AMBRA1: variants seen among roughly 807,000 people sequenced by gnomAD.
AMBRA1 encodes autophagy and beclin 1 regulator 1.
A neutral mutation model predicts 125.4 loss-of-function variants in AMBRA1; 47 were observed. The observed-to-expected ratio is 0.37, with a 90% CI of 0.30 to 0.48. The LOEUF (loss-of-function observed/expected upper bound fraction) is 0.48. Among genes scored for constraint, AMBRA1 ranks in the 20% least tolerant of loss-of-function variants. The probability of loss-of-function intolerance (pLI) is 0.99; values close to 1 mark genes in which losing one functional copy is unlikely to be tolerated. For missense variants in AMBRA1, 1,331 were observed against 1,693.4 expected, an observed-to-expected ratio of 0.79 and a Z score of 3.76; for synonymous variants, 626 against 655.5, an observed-to-expected ratio of 0.95 and a Z score of 0.69.
At chr11:46,450,056 C>CAAAA (rs201819276) in intron 11 of AMBRA1, among the ~76,000 whole-genome samples, 1 of 71,182 alleles carries the variant, frequency 1.4e-5, no homozygotes. Flanking sequence ...GAGACTGTCT[C>CAAAA]AAAAAAAAAA....
At chr11:46,534,366 G>C (rs1039902500) in intron 7 of AMBRA1, among the ~76,000 whole-genome samples, 1 of 151,828 alleles carries the variant, frequency 6.6e-6, no homozygotes. Flanking sequence ...GTGGTGGCAG[G>C]CGCCTGTAAT....
intron 17 of AMBRA1, among the ~76,000 whole-genome samples, chr11:46,402,945 C>T (rs1294815347): frequency 2.6e-5 from 4 of 152,186 alleles, no homozygotes; most frequent in Non-Finnish European, 5.9e-5. Context: ...AGAGCTGGCA[C>T]ATTCTTCAAG....
chr11:46,415,143 G>C (rs995439776), intron 15 of AMBRA1, among the ~76,000 whole-genome samples: 7 of 152,182 alleles, frequency 4.6e-5, no homozygotes, highest in Non-Finnish European at 8.8e-5. Context: ...ATCACCCAGG[G>C]ATAGGCAGCT....
intron 1 of AMBRA1, among the ~76,000 whole-genome samples, chr11:46,590,658 G>A (rs190895335): frequency 1.3e-5 from 2 of 151,950 alleles, no homozygotes; most frequent in African/African-American, 2.4e-5. Context: ...TTCTGAACCC[G>A]TCCAGTTTTT....
chr11:46,398,303 G>A (rs1590696028), intron 17 of AMBRA1, among the ~76,000 whole-genome samples: 1 of 152,202 alleles, frequency 6.6e-6, no homozygotes, highest in Non-Finnish European at 1.5e-5. Context: ...GCTCCCTGTT[G>A]TGGAAACTCA....
At chr11:46,484,572 G>A (rs1416710039) in intron 11 of AMBRA1, among the ~76,000 whole-genome samples, 1 of 151,998 alleles carries the variant, frequency 6.6e-6, no homozygotes, top group Non-Finnish European at 1.5e-5. Context: ...TTTCTACTTT[G>A]TACTAACTTA....
chr11:46,578,863 C>A (rs1314740627), intron 1 of AMBRA1, among the ~76,000 whole-genome samples: 1 of 105,552 alleles, frequency 9.5e-6, no homozygotes, highest in Admixed American at 1.5e-4. Flanking sequence ...CCAGCCTGGG[C>A]GACAGAGAGA....
At position 46,397,620 on chromosome 11, in the gene AMBRA1, G is replaced by A. The variant is rs1296310505; in HGVS notation, c.3727C>T (p.Pro1243Ser). Residue 1243 changes from proline (P) to serine (S), a missense_variant, in exon 18 of 18, where the codon CCA becomes TCA. Pro to Ser is a moderately conservative substitution (Grantham distance 74). This residue lies in a region of AMBRA1 where 144 missense variants were observed against 133.9 expected (regional missense o/e 1.08). Coordinates refer to ENST00000683756, the MANE Select transcript of AMBRA1 (RefSeq NM_001387011.1). The part of the protein sequence containing the change: ...WDQPGTPGRE[P>S]TQPTLPSSSP... ...GAAGAGGGCAGGGTTGGCTGGGTTG[G>A]CTCCCGCCCAGGGGTACCAGGCTGG... 1 of 1,610,856 alleles carries A rather than the reference G, an allele frequency of 6.2e-7. No individual in the cohort carries two copies. Among genetic ancestry groups the A allele is most frequent in the Non-Finnish European group, 8.5e-7 (1 of 1,177,998 alleles).
At position 46,590,051 on chromosome 11, in the gene AMBRA1, A is replaced by G. The variant is rs373931417; in HGVS notation, c.-121+3777T>C. ...AAGTTTTATAAGTTTCCTAACACAT[A>G]TTGAAAATATTGTGAAAATTATACA... On this transcript the variant is annotated intron_variant, in intron 1 of 17. Transcript: ENST00000683756. Among the ~76,000 whole-genome samples, 8 of 152,254 alleles carry G rather than the reference A, an allele frequency of 5.3e-5. No homozygotes were observed. In the South Asian group the frequency reaches 1.0e-3, roughly 20 times the overall value.
At chr11:46,558,992 G>A (rs2043243959) in intron 1 of AMBRA1, among the ~76,000 whole-genome samples, 1 of 152,090 alleles carries the variant, frequency 6.6e-6, no homozygotes, top group African/African-American at 2.4e-5. Flanking sequence ...ATTTCTACAA[G>A]TCAAATACCT....
At chr11:46,418,958 G>A (rs1946710430) in intron 14 of AMBRA1, among the ~76,000 whole-genome samples, 1 of 151,922 alleles carries the variant, frequency 6.6e-6, no homozygotes, top group South Asian at 2.1e-4. Flanking sequence ...TAACCACAGT[G>A]CTCTCACAGC....
chr11:46,536,655 C>T (rs1261628509), intron 7 of AMBRA1, among the ~76,000 whole-genome samples: 1 of 152,196 alleles, frequency 6.6e-6, no homozygotes, highest in African/African-American at 2.4e-5. Flanking sequence ...TATTTTCCTC[C>T]ATCAATGTTT....
intron 17 of AMBRA1, among the ~76,000 whole-genome samples, chr11:46,400,744 C>T (rs1945713453): frequency 6.6e-6 from 1 of 151,972 alleles, no homozygotes; most frequent in South Asian, 2.1e-4. Context: ...GCCTTGGCCT[C>T]CCAAAATGCT....
intron 11 of AMBRA1, among the ~76,000 whole-genome samples, chr11:46,468,760 C>T (rs1164366310): frequency 2.7e-5 from 4 of 147,120 alleles, no homozygotes; most frequent in Non-Finnish European, 3.0e-5. Flanking sequence ...TGCAGTGAGC[C>T]GAGATCACAC....
At position 46,523,890 on chromosome 11, in the gene AMBRA1, TAG is replaced by T. The variant is rs371659593; in HGVS notation, c.2073-11079_2073-11078del. Among the ~76,000 whole-genome samples, 780 of 152,258 alleles carry T rather than the reference TAG, an allele frequency of 5.1e-3. 2 individuals are homozygous for T. The highest frequency in any genetic ancestry group is 7.7e-3 in the South Asian group (37 of 4,830). ...ATTCATTTATTTATTTATTTTGAGA[TAG>T]AGTTTCGCTCTTGTTGCCCAGGCTG... On this transcript the variant is annotated intron_variant, in intron 7 of 17. Coordinates refer to ENST00000683756, the MANE Select transcript of AMBRA1 (RefSeq NM_001387011.1).
intron 14 of AMBRA1, 92 bp from the exon 15 acceptor site, chr11:46,418,144 G>C (rs1396022141): frequency 7.9e-7 from 1 of 1,271,030 alleles, no homozygotes; most frequent in Non-Finnish European, 1.0e-6. Flanking sequence ...CAAATTAGAA[G>C]GAGGAAAGGA....
intron 11 of AMBRA1, among the ~76,000 whole-genome samples, chr11:46,457,862 C>T (rs140549134): frequency 2.2e-3 from 337 of 150,040 alleles, no homozygotes; most frequent in African/African-American, 7.9e-3. Flanking sequence ...GTCGAGATTG[C>T]GCCACTGCAC....
intron 17 of AMBRA1, among the ~76,000 whole-genome samples, chr11:46,404,304 T>C: frequency 6.6e-6 from 1 of 152,238 alleles, no homozygotes; most frequent in Non-Finnish European, 1.5e-5. Context: ...AGGGTTTCAC[T>C]ATCCATGCTC....
At chr11:46,502,669 A>C (rs925281830) in intron 9 of AMBRA1, among the ~76,000 whole-genome samples, 5 of 152,180 alleles carry the variant, frequency 3.3e-5, no homozygotes, top group African/African-American at 1.2e-4. Flanking sequence ...CATCAGGTCT[A>C]TCACCTGATA....
Sources: gnomAD v4.1 joint callset for allele counts (sites outside exome capture counted in the v4.1 genomes callset) on GRCh38, gnomAD v4.1.1 for gene constraint, gnomAD v4.1.1 regional missense constraint, MANE v1.5 for transcripts, NCBI Gene and HGNC (gene_info 2026-07-23, HGNC 2026-07-21) for gene names.